The following RBFOX1 variants were observed in gnomAD, a reference collection of about 807,000 sequenced individuals.
The protein encoded by RBFOX1 is RNA binding fox-1 homolog 1, also known as RNA binding protein fox-1 homolog 1.
RBFOX1 carries 8 observed loss-of-function variants against 57.7 expected under a neutral mutation model. The observed-to-expected ratio is 0.14, with a 90% confidence interval of 0.08 to 0.25. The LOEUF (loss-of-function observed/expected upper bound fraction) is 0.25, where lower values mean the gene tolerates loss of function less well. RBFOX1 is among the 10% of genes least tolerant of loss of function. RBFOX1 has a pLI of 1.00. For synonymous variants in RBFOX1, 326 were observed against 222.4 expected, an observed-to-expected ratio of 1.47 and a Z score of -4.15; for missense variants, 611 against 548.5, an observed-to-expected ratio of 1.11 and a Z score of -1.14.
At chr16:7,236,799 T>TGTGCCTGG (rs1291852757) in intron 4 of RBFOX1, among the ~76,000 whole-genome samples, 1 of 152,210 alleles carries the variant, frequency 6.6e-6, no homozygotes, top group Non-Finnish European at 1.5e-5. Flanking sequence ...AGACAGTCCT[T>TGTGCCTGG]GTGCCTGGGT....
intron 1 of RBFOX1, among the ~76,000 whole-genome samples, chr16:5,458,387 GCAC>G (rs2068693298): frequency 6.6e-6 from 1 of 152,120 alleles, no homozygotes; most frequent in South Asian, 2.1e-4. Context: ...AGCCGGGAGG[GCAC>G]CATAGCACAG....
Position 5,671,068 on chromosome 16 carries a change from C to G in RBFOX1, c.318+72107C>G, listed in dbSNP as rs1008551999. Among the ~76,000 whole-genome samples the G allele has an allele frequency of 3.3e-5, 5 of 152,344 alleles. No individual in the cohort carries two copies. The South Asian group carries it at 6.2e-4, about 19-fold the overall frequency. On this transcript the variant is annotated intron_variant, in intron 3 of 19. Transcript: ENST00000641259. ...AGGACATCAGCAAATGCTGGGTGCT[C>G]TCAGCCTCACACAAACCAGAGAAAC...
At chr16:5,449,908 C>T (rs1002399786) in intron 1 of RBFOX1, among the ~76,000 whole-genome samples, 3 of 152,156 alleles carry the variant, frequency 2.0e-5, no homozygotes, top group African/African-American at 7.2e-5. Flanking sequence ...GCACCCAGCC[C>T]ACCTCTAGCT....
At chr16:7,201,059 C>G (rs561511578) in intron 4 of RBFOX1, among the ~76,000 whole-genome samples, 4 of 152,210 alleles carry the variant, frequency 2.6e-5, no homozygotes, top group South Asian at 2.1e-4. Flanking sequence ...TTTATGAGAT[C>G]AGTGTGGGAA....
intron 1 of RBFOX1, among the ~76,000 whole-genome samples, chr16:5,341,149 G>A (rs2065022931): frequency 6.6e-6 from 1 of 152,180 alleles, no homozygotes; most frequent in Non-Finnish European, 1.5e-5. Context: ...TGCAGGATGA[G>A]TAAGGGGGGA....
At chr16:7,570,313 A>T (rs2092643060) in intron 5 of RBFOX1, among the ~76,000 whole-genome samples, 1 of 152,094 alleles carries the variant, frequency 6.6e-6, no homozygotes, top group Admixed American at 6.6e-5. Context: ...TGTATTTTTC[A>T]TTTCCATCAA....
chr16:7,306,888 C>G (rs1347448683), intron 4 of RBFOX1, among the ~76,000 whole-genome samples: 1 of 152,036 alleles, frequency 6.6e-6, no homozygotes, highest in Non-Finnish European at 1.5e-5. Flanking sequence ...ATATCTTGTA[C>G]CCAGACACCA....
intron 1 of RBFOX1, among the ~76,000 whole-genome samples, chr16:6,181,580 A>G (rs929569076): frequency 6.6e-6 from 1 of 152,128 alleles, no homozygotes; most frequent in Non-Finnish European, 1.5e-5. Context: ...GGCACAACGC[A>G]TTGGGAAAAC....
At chr16:7,217,556 C>CTT (rs770542149) in intron 4 of RBFOX1, among the ~76,000 whole-genome samples, 3 of 152,046 alleles carry the variant, frequency 2.0e-5, no homozygotes, top group Admixed American at 1.3e-4. Flanking sequence ...CACTCTTTAT[C>CTT]TTATCCCTCA....
intron 4 of RBFOX1, among the ~76,000 whole-genome samples, chr16:7,155,738 T>TACACACACACACACAC (rs138509367): frequency 1.1e-4 from 8 of 75,512 alleles, no homozygotes; most frequent in African/African-American, 4.9e-4. Context: ...TATATATATA[T>TACACACACACACACAC]ACACACACAC....
intron 4 of RBFOX1, among the ~76,000 whole-genome samples, chr16:7,139,497 G>C (rs2073055937): frequency 6.6e-6 from 1 of 152,094 alleles, no homozygotes; most frequent in Admixed American, 6.6e-5. Flanking sequence ...AATAGCCCCA[G>C]ATAGTTTGCA....
chr16:5,323,018 C>G (rs550405271), intron 1 of RBFOX1, among the ~76,000 whole-genome samples: 10 of 152,310 alleles, frequency 6.6e-5, no homozygotes, highest in Non-Finnish European at 8.8e-5. Context: ...TCCCCACTCC[C>G]TAGCTGGATC....
At chr16:5,246,197 G>A (rs574726038) in intron 1 of RBFOX1, among the ~76,000 whole-genome samples, 8 of 152,262 alleles carry the variant, frequency 5.3e-5, no homozygotes, top group South Asian at 2.1e-4. Context: ...AGCCGAGATC[G>A]CGCCACTGCA....
chr16:7,113,021 C>T (rs1567306173), intron 4 of RBFOX1, among the ~76,000 whole-genome samples: 1 of 152,050 alleles, frequency 6.6e-6, no homozygotes, highest in Admixed American at 6.6e-5. Flanking sequence ...TGAGTCAGAC[C>T]CATCGAACTG....
chr16:7,217,803 G>T (rs1164104930), intron 4 of RBFOX1, among the ~76,000 whole-genome samples: 1 of 152,192 alleles, frequency 6.6e-6, no homozygotes, highest in Non-Finnish European at 1.5e-5. Context: ...GAGATCCTAG[G>T]GAGTTCATCT....
intron 4 of RBFOX1, among the ~76,000 whole-genome samples, chr16:7,322,658 C>A (rs1288704189): frequency 6.6e-6 from 1 of 152,090 alleles, no homozygotes; most frequent in East Asian, 1.9e-4. Flanking sequence ...CAGAGTGGTC[C>A]AATTTCAGAG....
rs185608655 is a variant in RBFOX1, at chr16:7,539,319, G to A, written c.270+20930G>A. Among the ~76,000 whole-genome samples the A allele has an allele frequency of 2.4e-4, 37 of 152,272 alleles. No individual in the cohort carries two copies. The East Asian group carries it at 6.4e-3, about 26-fold the overall frequency. On this transcript the variant is annotated intron_variant, in intron 5 of 15. Transcript: ENST00000550418. ...AGGATGGGAGAGTCCAGCAAGAGAAGACAGTGGGAGCAGCATTCCAGGAAG... is the reference window on the plus strand; with the variant it reads ...AGGATGGGAGAGTCCAGCAAGAGAAAACAGTGGGAGCAGCATTCCAGGAAG...
intron 1 of RBFOX1, among the ~76,000 whole-genome samples, chr16:5,452,778 G>A (rs922213891): frequency 6.6e-6 from 1 of 151,968 alleles, no homozygotes. Flanking sequence ...TGAATAGCTT[G>A]GATTACAGGC....
At chr16:5,617,746 G>C (rs552148123) in intron 3 of RBFOX1, among the ~76,000 whole-genome samples, 1 of 152,328 alleles carries the variant, frequency 6.6e-6, no homozygotes, top group East Asian at 1.9e-4. Context: ...AGCTAATGCT[G>C]TGAACGGGAA....
Sources: gnomAD v4.1 joint callset for allele counts (sites outside exome capture counted in the v4.1 genomes callset) on GRCh38, gnomAD v4.1.1 for gene constraint, MANE v1.5 for transcripts, NCBI Gene and HGNC (gene_info 2026-07-23, HGNC 2026-07-21) for gene names.